The following TYR variants were observed in gnomAD, a reference collection of about 807,000 sequenced individuals.
The protein encoded by TYR is LB24-AB.
In TYR, 58 loss-of-function variants were observed where a neutral mutation model predicts 51.5. The observed-to-expected ratio is 1.13, with a 90% CI of 0.91 to 1.40. The LOEUF is 1.40. TYR is among the 40% of genes most tolerant of loss of function. The pLI is 0.00. For missense variants in TYR, 732 were observed against 647.4 expected (o/e 1.13, Z -1.42); for synonymous variants, 263 against 235.2 (o/e 1.12, Z -1.08).
At chr11:89,222,674 G>A (rs1170237648) in intron 2 of TYR, among the ~76,000 whole-genome samples, 2 of 152,136 alleles carry the variant, frequency 1.3e-5, no homozygotes, top group African/African-American at 2.4e-5. Flanking sequence ...AGGAGGTGGA[G>A]GTTGCAGAAA....
chr11:89,208,118 A>G (rs1169007145), intron 2 of TYR, among the ~76,000 whole-genome samples: 2 of 152,100 alleles, frequency 1.3e-5, no homozygotes, highest in Non-Finnish European at 2.9e-5. Flanking sequence ...AATACAAAAA[A>G]AATTAGCCAG....
intron 2 of TYR, among the ~76,000 whole-genome samples, chr11:89,205,204 T>C (rs1943657245): frequency 6.6e-6 from 1 of 151,740 alleles, no homozygotes; most frequent in Non-Finnish European, 1.5e-5. Flanking sequence ...AAATAGAAAT[T>C]ACCAAATCTG....
intron 4 of TYR, among the ~76,000 whole-genome samples, chr11:89,285,220 A>T (rs1944770240): frequency 1.3e-5 from 2 of 151,732 alleles, no homozygotes; most frequent in Admixed American, 6.6e-5. Flanking sequence ...AGAAAAAAAA[A>T]GGTTTTGAGA....
chr11:89,253,920 C>T (rs1352362521), intron 3 of TYR, among the ~76,000 whole-genome samples: 1 of 151,668 alleles, frequency 6.6e-6, no homozygotes, highest in Non-Finnish European at 1.5e-5. Context: ...AGAGGGAATG[C>T]TTTTTTCTTT....
intron 3 of TYR, among the ~76,000 whole-genome samples, chr11:89,248,546 A>T (rs1944294223): frequency 6.6e-6 from 1 of 152,150 alleles, no homozygotes; most frequent in African/African-American, 2.4e-5. Flanking sequence ...TCAGGTTTGG[A>T]AAGGAGACTA....
chr11:89,205,163 G>A (rs1943656327), intron 2 of TYR, among the ~76,000 whole-genome samples: 1 of 151,944 alleles, frequency 6.6e-6, no homozygotes, highest in Non-Finnish European at 1.5e-5. Context: ...GGAGAGGAAA[G>A]AAGAAAGAAT....
chr11:89,191,890 A>G (rs1424023815), intron 2 of TYR: 2 of 310,308 alleles, frequency 6.4e-6, no homozygotes, highest in South Asian at 2.7e-5. Context: ...TTTTCCATTA[A>G]AAGAGAAAAA....
intron 1 of TYR, among the ~76,000 whole-genome samples, chr11:89,185,126 A>T (rs1454851407): frequency 6.6e-6 from 1 of 152,176 alleles, no homozygotes. Flanking sequence ...ATTATAAATC[A>T]TAACATGGGT....
rs13312740 is a variant in TYR at position 89,178,222 on chromosome 11, A to G, written c.269A>G (p.Gln90Arg). The G allele has an allele frequency of 6.2e-7, 1 of 1,614,192 alleles. No homozygotes were observed. The highest frequency in any genetic ancestry group is 1.1e-5 in the South Asian group (1 of 91,078). ...WPSVFYNRTC[Q>R]CSGNFMGFNC... Reference sequence around the variant, plus strand: ...TCCGTCTTTTATAATAGGACCTGCCAGTGCTCTGGCAACTTCATGGGATTC... The same window carrying G: ...TCCGTCTTTTATAATAGGACCTGCCGGTGCTCTGGCAACTTCATGGGATTC... Residue 90 changes from glutamine to arginine, a missense_variant, in exon 1 of 5, where the codon CAG (glutamine) becomes CGG (arginine). Coordinates refer to ENST00000263321, the MANE Select transcript of TYR (RefSeq NM_000372.5).
chr11:89,215,063 G>A (rs1943814191), intron 2 of TYR, among the ~76,000 whole-genome samples: 1 of 151,928 alleles, frequency 6.6e-6, no homozygotes, highest in Admixed American at 6.6e-5. Flanking sequence ...AGATAGACAA[G>A]GAACTTGCTA....
intron 2 of TYR, among the ~76,000 whole-genome samples, chr11:89,195,642 G>A (rs1309663988): frequency 1.3e-5 from 2 of 151,712 alleles, no homozygotes; most frequent in East Asian, 3.9e-4. Flanking sequence ...TCATGCCACT[G>A]CACTCCAGCC....
At chr11:89,259,920 G>A (rs1944436932) in intron 3 of TYR, among the ~76,000 whole-genome samples, 1 of 151,976 alleles carries the variant, frequency 6.6e-6, no homozygotes, top group South Asian at 2.1e-4. Context: ...AGGAGTTGAT[G>A]GGCTTAAGAA....
At chr11:89,216,647 CAAAAA>C (rs11411684) in intron 2 of TYR, among the ~76,000 whole-genome samples, 22 of 80,796 alleles carry the variant, frequency 2.7e-4, no homozygotes, top group African/African-American at 9.6e-4. Context: ...TTTTCCATCT[CAAAAA>C]AAAAAAAAAA....
chr11:89,256,121 A>G (rs1403941643), intron 3 of TYR, among the ~76,000 whole-genome samples: 1 of 151,798 alleles, frequency 6.6e-6, no homozygotes, highest in Non-Finnish European at 1.5e-5. Flanking sequence ...ACATGTGGCT[A>G]ATGAGCACGT....
intron 3 of TYR, among the ~76,000 whole-genome samples, chr11:89,262,203 C>A (rs1006569618): frequency 1.6e-4 from 24 of 152,052 alleles, no homozygotes; most frequent in African/African-American, 5.1e-4. Flanking sequence ...GGATTACAGG[C>A]ACCTGCCACT....
chr11:89,281,492 A>T (rs1039388844), intron 3 of TYR, among the ~76,000 whole-genome samples: 1 of 151,656 alleles, frequency 6.6e-6, no homozygotes, highest in South Asian at 2.1e-4. Context: ...ATTTCCCACT[A>T]TCTTCACTAG....
In TYR at chr11:89,191,225, G is replaced by A; in HGVS notation, c.843G>A (p.Glu281=). The part of the protein sequence containing the change: ...SWQIVCSRLE[E]YNSHQSLCNG... ...AGATTGTCTGTAGCCGATTGGAGGA[G>A]TACAACAGCCATCAGTCTTTATGCA... The change falls in exon 2 of 5, where the codon GAG becomes GAA. Residue 281 remains glutamate (E), a synonymous_variant. Coordinates refer to ENST00000263321, the MANE Select transcript of TYR (RefSeq NM_000372.5). 1.2e-6 allele frequency: 2 copies of A among 1,613,490 alleles called. No individual in the cohort carries two copies. Among genetic ancestry groups the A allele is most frequent in the Non-Finnish European group, 1.7e-6 (2 of 1,179,680 alleles).
At chr11:89,180,001 T>C (rs1943280096) in intron 1 of TYR, among the ~76,000 whole-genome samples, 1 of 152,112 alleles carries the variant, frequency 6.6e-6, no homozygotes, top group Admixed American at 6.5e-5. Flanking sequence ...AGTTTTGAAA[T>C]GTAGATGGCC....
chr11:89,191,135 A>G, intron 1 of TYR, 67 bp from the exon 2 acceptor site: 1 of 1,439,854 alleles, frequency 6.9e-7, no homozygotes, highest in African/African-American at 1.4e-5. Flanking sequence ...GAGTTCCAAC[A>G]TTTCTGCCTT....
Sources: gnomAD v4.1 joint callset for allele counts (sites outside exome capture counted in the v4.1 genomes callset) on GRCh38, gnomAD v4.1.1 for gene constraint, MANE v1.5 for transcripts, NCBI Gene and HGNC (gene_info 2026-07-23, HGNC 2026-07-21) for gene names.